Variants in MSRB3 observed in about 807,000 individuals in gnomAD.
MSRB3 encodes the protein methionine sulfoxide reductase B3, also known as methionine-R-sulfoxide reductase B3.
A neutral mutation model predicts 21.0 loss-of-function variants in MSRB3; 13 were observed. The ratio of observed to expected loss-of-function variants is 0.62; its 90% CI spans 0.40 to 0.98. The LOEUF is 0.98. Ranked by LOEUF, MSRB3 falls within the 50% of genes least tolerant of loss-of-function variation. The probability of loss-of-function intolerance (pLI) is 0.00; values close to 1 mark genes in which losing one functional copy is unlikely to be tolerated. For missense variants in MSRB3, 199 were observed against 230.3 expected, an observed-to-expected ratio of 0.86 and a Z score of 0.88; for synonymous variants, 87 against 88.6, an observed-to-expected ratio of 0.98 and a Z score of 0.10.
Position 65,392,914 on chromosome 12 carries a change from T to G in MSRB3, c.292+23888T>G, listed in dbSNP as rs150759623. Reference sequence around the variant, plus strand: ...TTATTTATATTTTCTTCCTCATTTTTTACCTTTATTTTTTGTATTGAAAGA... The same window carrying G: ...TTATTTATATTTTCTTCCTCATTTTGTACCTTTATTTTTTGTATTGAAAGA... On this transcript the variant is annotated intron_variant, in intron 5 of 6. Coordinates refer to ENST00000308259, the MANE Select transcript of MSRB3 (RefSeq NM_001031679.3). Among the ~76,000 whole-genome samples, 8 of 152,262 alleles carry G rather than the reference T, an allele frequency of 5.3e-5. No individual in the cohort carries two copies. In the East Asian group the frequency reaches 1.5e-3, roughly 29 times the overall value.
Position 65,308,523 on chromosome 12 carries a change from A to G in MSRB3, c.-51-6A>G. 1.2e-6 allele frequency: 2 copies of G among 1,613,444 alleles called. No homozygotes were observed. The highest frequency in any genetic ancestry group is 1.1e-5 in the South Asian group (1 of 91,050). On this transcript the variant is annotated splice_region_variant and splice_polypyrimidine_tract_variant and intron_variant, in intron 1 of 6. Transcript: ENST00000308259. ...GATTTTTGTTTTTGTTTTTTCTCCT[A>G]CTCAGCTCTTGCCCCTGTTCTTTGC...
At position 65,301,111 on chromosome 12, in the gene MSRB3, C is replaced by T. The variant is rs74500847; in HGVS notation, c.-51-7418C>T. On this transcript the variant is annotated intron_variant, in intron 1 of 6. Coordinates refer to ENST00000308259, the MANE Select transcript of MSRB3 (RefSeq NM_001031679.3). ...ACACATATATACACACACACAGACA[C>T]ACACATACACATACACACAGTACAG... Among the ~76,000 whole-genome samples, 598 of 152,216 alleles carry T rather than the reference C, an allele frequency of 3.9e-3. 24 individuals carry two copies. The East Asian group carries it at 0.066, about 17-fold the overall frequency.
intron 4 of MSRB3, among the ~76,000 whole-genome samples, chr12:65,347,077 T>C (rs1341797936): frequency 6.6e-6 from 1 of 152,216 alleles, no homozygotes; most frequent in East Asian, 1.9e-4. Flanking sequence ...GGCTCTGTTT[T>C]GGTTCCATAT....
chr12:65,302,246 G>A (rs1873378180), intron 1 of MSRB3, among the ~76,000 whole-genome samples: 1 of 151,944 alleles, frequency 6.6e-6, no homozygotes, highest in African/African-American at 2.4e-5. Flanking sequence ...TTTGAGAATG[G>A]GTAACCGTAA....
chr12:65,393,708 A>G (rs1368329593), intron 5 of MSRB3, among the ~76,000 whole-genome samples: 1 of 151,510 alleles, frequency 6.6e-6, no homozygotes, highest in Non-Finnish European at 1.5e-5. Flanking sequence ...TTGTGTATAT[A>G]TATGTGTGTG....
chr12:65,305,699 G>T (rs1044058882), intron 1 of MSRB3, among the ~76,000 whole-genome samples: 2 of 152,168 alleles, frequency 1.3e-5, no homozygotes, highest in Admixed American at 1.3e-4. Context: ...AATGTGAAAT[G>T]CTTAGAGCAG....
At chr12:65,347,980 G>A (rs1228875055) in intron 4 of MSRB3, among the ~76,000 whole-genome samples, 6 of 152,096 alleles carry the variant, frequency 3.9e-5, no homozygotes, top group African/African-American at 1.2e-4. Flanking sequence ...TGCTGGATTC[G>A]ATTTGCCAGT....
In MSRB3 at chr12:65,465,248, T is replaced by C. The variant is rs1883513789; in HGVS notation, c.*1926T>C. The C allele has an allele frequency of 6.6e-6, 1 of 152,226 alleles. No individual in the cohort carries two copies. Among genetic ancestry groups the C allele is most frequent in the South Asian group, 2.1e-4 (1 of 4,826 alleles). The allele number at this position is 152,226 out of a possible 1,614,324, so 9.4% of individuals were successfully genotyped here. On this transcript the variant is annotated 3_prime_UTR_variant, in exon 7 of 7. Coordinates refer to ENST00000308259, the MANE Select transcript of MSRB3 (RefSeq NM_001031679.3). Reference sequence around the variant, plus strand: ...CTGTGCACAATAAAGTTTTCACAAGTATAAACAATGGTGATGTAAGTCAAC... The same window carrying C: ...CTGTGCACAATAAAGTTTTCACAAGCATAAACAATGGTGATGTAAGTCAAC...
intron 5 of MSRB3, among the ~76,000 whole-genome samples, chr12:65,434,090 G>A (rs1033910924): frequency 2.6e-5 from 4 of 151,934 alleles, no homozygotes; most frequent in East Asian, 1.9e-4. Context: ...CTCATTTAGT[G>A]TATGGGGTCC....
rs573078266 is a variant in MSRB3 at position 65,353,952 on chromosome 12, C to G, written c.264-15046C>G. On this transcript the variant is annotated intron_variant, in intron 4 of 6. Coordinates refer to ENST00000308259, the MANE Select transcript of MSRB3 (RefSeq NM_001031679.3). ...ACAAAATCTCTCAGCATTTGCTTGT[C>G]TGTAAAGGATTTTATTTCTCCTTCA... Among the ~76,000 whole-genome samples the G allele has an allele frequency of 5.3e-3, 812 of 152,056 alleles. 5 individuals carry two copies. Among genetic ancestry groups the G allele is most frequent in the African/African-American group, 0.019 (772 of 41,516 alleles).
intron 5 of MSRB3, among the ~76,000 whole-genome samples, chr12:65,372,776 G>A (rs534188897): frequency 6.6e-6 from 1 of 152,304 alleles, no homozygotes; most frequent in East Asian, 1.9e-4. Flanking sequence ...TGCATGATAG[G>A]CTATATAAAC....
At chr12:65,285,582 C>T (rs1173362814) in intron 1 of MSRB3, 1 of 152,350 alleles carries the variant, frequency 6.6e-6, no homozygotes, top group Non-Finnish European at 1.5e-5. Context: ...TACCCGTAAT[C>T]CCAGCACTTT....
intron 1 of MSRB3, among the ~76,000 whole-genome samples, chr12:65,302,252 C>T (rs186137509): frequency 3.3e-5 from 5 of 152,090 alleles, no homozygotes; most frequent in African/African-American, 9.6e-5. Flanking sequence ...AATGGGTAAC[C>T]GTAAAGATAT....
intron 6 of MSRB3, among the ~76,000 whole-genome samples, chr12:65,457,371 G>GC (rs1238406464): frequency 1.3e-5 from 2 of 151,862 alleles, no homozygotes; most frequent in Admixed American, 1.3e-4. Context: ...CCCTCCCCTA[G>GC]CCCCCAATCA....
chr12:65,407,530 AT>A (rs1234097107), intron 5 of MSRB3, among the ~76,000 whole-genome samples: 1 of 151,916 alleles, frequency 6.6e-6, no homozygotes, highest in East Asian at 1.9e-4. Flanking sequence ...CCAGACATAG[AT>A]TTTTTTGGTA....
At chr12:65,308,714 G>T (rs1241309538) in intron 2 of MSRB3, 59 bp downstream of exon 2, 68 of 1,610,640 alleles carry the variant, frequency 4.2e-5, no homozygotes, top group Non-Finnish European at 4.7e-5. Context: ...TGTTTCTGCT[G>T]CAGGAAATGA....
intron 4 of MSRB3, among the ~76,000 whole-genome samples, chr12:65,337,430 C>CAAAAAA (rs780302211): frequency 2.3e-5 from 1 of 43,568 alleles, no homozygotes; most frequent in Non-Finnish European, 4.1e-5. Context: ...GAGACTACAT[C>CAAAAAA]AAAAAAAAAA....
intron 1 of MSRB3, among the ~76,000 whole-genome samples, chr12:65,294,901 G>A (rs1872867723): frequency 6.6e-6 from 1 of 151,960 alleles, no homozygotes; most frequent in South Asian, 2.1e-4. Context: ...GGCTCCCTGT[G>A]GCCTCGAACT....
At chr12:65,415,020 C>T (rs1880900724) in intron 5 of MSRB3, among the ~76,000 whole-genome samples, 1 of 151,952 alleles carries the variant, frequency 6.6e-6, no homozygotes, top group African/African-American at 2.4e-5. Context: ...ATATATAAAG[C>T]CCTGAGAGTG....
Sources: allele counts gnomAD v4.1 joint callset (sites outside exome capture counted in the v4.1 genomes callset), GRCh38; gene constraint gnomAD v4.1.1; transcripts MANE v1.5; gene names NCBI Gene and HGNC (gene_info 2026-07-23, HGNC 2026-07-21).